DIS3L2: variants seen among roughly 807,000 people sequenced by gnomAD.
The protein encoded by DIS3L2 is DIS3 like 3'-5' exoribonuclease 2.
A neutral mutation model predicts 97.5 loss-of-function variants in DIS3L2; 34 were observed. The observed-to-expected ratio is 0.35, with a 90% CI of 0.27 to 0.46. The LOEUF is 0.46. DIS3L2 is among the 20% of genes least tolerant of loss of function. The probability of loss-of-function intolerance (pLI) is 1.00; values close to 1 mark genes in which losing one functional copy is unlikely to be tolerated. For missense variants in DIS3L2, 1,038 were observed against 1,146.0 expected (o/e 0.91, Z 1.36); for synonymous variants, 435 against 445.2 (o/e 0.98, Z 0.29).
chr2:232,155,041 A>G (rs941898756), intron 8 of DIS3L2, among the ~76,000 whole-genome samples: 13 of 149,958 alleles, frequency 8.7e-5, no homozygotes, highest in African/African-American at 3.2e-4. Context: ...AGGTGAGGCA[A>G]TGCCTCGCCC....
chr2:232,174,834 C>T (rs1487879476), intron 9 of DIS3L2, among the ~76,000 whole-genome samples: 1 of 151,444 alleles, frequency 6.6e-6, no homozygotes, highest in Admixed American at 6.6e-5. Flanking sequence ...TTCAGTCATT[C>T]AGTTTTTTTT....
At chr2:232,007,636 G>T (rs1694090140) in intron 1 of DIS3L2, among the ~76,000 whole-genome samples, 1 of 152,092 alleles carries the variant, frequency 6.6e-6, no homozygotes, top group African/African-American at 2.4e-5. Flanking sequence ...GAAAGGACAG[G>T]TATTAAGAAA....
At position 232,037,793 on chromosome 2, in the gene DIS3L2, T is replaced by G. The variant is rs1694992085; in HGVS notation, c.366+7713T>G. On this transcript the variant is annotated intron_variant, in intron 5 of 20. Coordinates refer to ENST00000325385, the MANE Select transcript of DIS3L2 (RefSeq NM_152383.5). This position sits in a 1 kb window ranked among gnomAD's most constrained non-coding sequence, Gnocchi z 4.6. The stretch of plus-strand genomic sequence containing the variant: ...GCTTCCCTTGGCTAGGGGTGGGAGT[T>G]CCCTGACTCCTTGCACTTCCTGGGT... Among the ~76,000 whole-genome samples, 3 of 152,090 alleles carry G rather than the reference T, an allele frequency of 2.0e-5. No homozygotes were observed. Among genetic ancestry groups the G allele is most frequent in the Admixed American group, 2.0e-4 (3 of 15,264 alleles).
chr2:232,194,176 T>C (rs1691687936), intron 9 of DIS3L2, among the ~76,000 whole-genome samples: 1 of 152,078 alleles, frequency 6.6e-6, no homozygotes, highest in African/African-American at 2.4e-5. Flanking sequence ...ATATATATCT[T>C]AGTATATATT....
chr2:232,097,427 T>G (rs1330056532), intron 6 of DIS3L2, among the ~76,000 whole-genome samples: 1 of 152,090 alleles, frequency 6.6e-6, no homozygotes, highest in African/African-American at 2.4e-5. Flanking sequence ...ACAACCTGTA[T>G]TGCTGCTGAG....
At chr2:232,084,330 T>C (rs1480072147) in intron 5 of DIS3L2, among the ~76,000 whole-genome samples, 1 of 152,136 alleles carries the variant, frequency 6.6e-6, no homozygotes, top group African/African-American at 2.4e-5. Flanking sequence ...AGTGTTTTTT[T>C]TGGGTTTGGG....
At chr2:232,226,126 T>A (rs1458640153) in intron 10 of DIS3L2, among the ~76,000 whole-genome samples, 1 of 152,222 alleles carries the variant, frequency 6.6e-6, no homozygotes, top group Admixed American at 6.5e-5. Flanking sequence ...TTTGTGCCTA[T>A]ACTAAAAACC....
At chr2:232,300,821 T>G (rs1013800209) in intron 14 of DIS3L2, among the ~76,000 whole-genome samples, 2 of 151,934 alleles carry the variant, frequency 1.3e-5, no homozygotes, top group African/African-American at 4.8e-5. Context: ...CCCAGCTAAT[T>G]TTCTAAATTT....
At chr2:232,177,102 A>G (rs1223640915) in intron 9 of DIS3L2, among the ~76,000 whole-genome samples, 2 of 147,454 alleles carry the variant, frequency 1.4e-5, no homozygotes, top group Non-Finnish European at 3.0e-5. Flanking sequence ...GATGGTTTCC[A>G]ATTTCATCCA....
chr2:231,995,736 C>T (rs1693714633), intron 1 of DIS3L2, among the ~76,000 whole-genome samples: 1 of 152,088 alleles, frequency 6.6e-6, no homozygotes, highest in African/African-American at 2.4e-5. Context: ...CTCAACTGTG[C>T]ATTTTAAAAG....
intron 13 of DIS3L2, among the ~76,000 whole-genome samples, chr2:232,271,407 C>G (rs950692822): frequency 6.6e-6 from 1 of 152,158 alleles, no homozygotes; most frequent in Admixed American, 6.5e-5. Flanking sequence ...AACAGAATCG[C>G]TCTGTATAAT....
chr2:232,062,135 C>T (rs971033536), intron 5 of DIS3L2, among the ~76,000 whole-genome samples: 5 of 152,170 alleles, frequency 3.3e-5, no homozygotes, highest in Admixed American at 1.3e-4. Flanking sequence ...GAAGGAAAGT[C>T]GGCCTTGGCT....
At chr2:232,062,653 A>AT (rs1262143019) in intron 5 of DIS3L2, among the ~76,000 whole-genome samples, 1 of 151,880 alleles carries the variant, frequency 6.6e-6, no homozygotes, top group African/African-American at 2.4e-5. Context: ...CGAATCAGCC[A>AT]TTTTTTCTAA....
intron 10 of DIS3L2, among the ~76,000 whole-genome samples, chr2:232,218,662 A>C (rs1692413255): frequency 6.6e-6 from 1 of 152,170 alleles, no homozygotes; most frequent in African/African-American, 2.4e-5. Context: ...GCTGGCGTCT[A>C]ATCAACCAAG....
At position 232,251,261 on chromosome 2, in the gene DIS3L2, CTT is replaced by C. The variant is rs1037329324; in HGVS notation, c.1425+1916_1425+1917del. ...CACTAGCAGGGAAAAGAAATTATCACTTATATCTTTAGGGAATTTTTTTAAAA... is the reference window on the plus strand; with the variant it reads ...CACTAGCAGGGAAAAGAAATTATCACATATCTTTAGGGAATTTTTTTAAAA... On this transcript the variant is annotated intron_variant, in intron 12 of 20. Coordinates refer to ENST00000325385, the MANE Select transcript of DIS3L2 (RefSeq NM_152383.5). 4.6e-5 allele frequency among the ~76,000 whole-genome samples: 7 copies of C among 152,138 alleles called. No individual in the cohort carries two copies. The East Asian group carries it at 5.8e-4, about 13-fold the overall frequency.
At chr2:232,227,033 C>T (rs1236908416) in intron 10 of DIS3L2, among the ~76,000 whole-genome samples, 5 of 151,960 alleles carry the variant, frequency 3.3e-5, no homozygotes, top group Admixed American at 3.3e-4. Flanking sequence ...TTATAACTAA[C>T]TGATATATGG....
chr2:232,323,983 C>G (rs1279916140), intron 14 of DIS3L2, among the ~76,000 whole-genome samples: 1 of 152,210 alleles, frequency 6.6e-6, no homozygotes, highest in Non-Finnish European at 1.5e-5. Flanking sequence ...CTTCCACTTT[C>G]CCTCCCCAGC....
intron 10 of DIS3L2, among the ~76,000 whole-genome samples, chr2:232,228,009 C>G (rs1692692530): frequency 6.6e-6 from 1 of 151,938 alleles, no homozygotes; most frequent in Non-Finnish European, 1.5e-5. Flanking sequence ...CTCTTGTTGC[C>G]CAGGTTGGAG....
At chr2:232,148,240 G>A (rs1027213765) in intron 8 of DIS3L2, among the ~76,000 whole-genome samples, 5 of 152,036 alleles carry the variant, frequency 3.3e-5, no homozygotes, top group Admixed American at 2.0e-4. Context: ...GTAGAGATGG[G>A]GTTTCACCAT....
Sources: gnomAD v4.1 joint callset for allele counts (sites outside exome capture counted in the v4.1 genomes callset) on GRCh38, gnomAD v4.1.1 for gene constraint, Gnocchi (gnomAD v3.1) non-coding constraint, MANE v1.5 for transcripts, NCBI Gene and HGNC (gene_info 2026-07-23, HGNC 2026-07-21) for gene names.